Variants in DSCAM observed in about 807,000 individuals in gnomAD.
The protein encoded by DSCAM is DS cell adhesion molecule, also known as cell adhesion molecule DSCAM.
A neutral mutation model predicts 217.7 loss-of-function variants in DSCAM; 47 were observed. That is an observed-to-expected ratio of 0.22 (90% CI 0.17 to 0.28). DSCAM has a LOEUF of 0.28. DSCAM is among the 10% of genes least tolerant of loss of function. The pLI is 1.00. For synonymous variants in DSCAM, 1,056 were observed against 1,015.3 expected, an observed-to-expected ratio of 1.04 and a Z score of -0.76; for missense variants, 2,080 against 2,618.3, an observed-to-expected ratio of 0.79 and a Z score of 4.49.
intron 1 of DSCAM, among the ~76,000 whole-genome samples, chr21:40,712,807 G>GAC (rs1017141739): frequency 1.4e-5 from 2 of 147,510 alleles, no homozygotes; most frequent in Non-Finnish European, 3.0e-5. Context: ...TAGAAGTTGA[G>GAC]ACAGAGAGAG....
chr21:40,022,053 C>G (rs985512029), intron 32 of DSCAM, among the ~76,000 whole-genome samples: 4 of 152,290 alleles, frequency 2.6e-5, no homozygotes, highest in Non-Finnish European at 4.4e-5. Context: ...ACTGAAATAA[C>G]AAGAATGAAG....
At chr21:40,303,774 T>C (rs576798668) in intron 9 of DSCAM, among the ~76,000 whole-genome samples, 1 of 152,342 alleles carries the variant, frequency 6.6e-6, no homozygotes, top group South Asian at 2.1e-4. Flanking sequence ...TCTATGATTT[T>C]CATTTTTCCT....
intron 6 of DSCAM, among the ~76,000 whole-genome samples, chr21:40,341,372 C>A (rs780039306): frequency 6.6e-6 from 1 of 152,084 alleles, no homozygotes; most frequent in Non-Finnish European, 1.5e-5. Context: ...CTGTAGATTT[C>A]TTTTCACTGG....
intron 3 of DSCAM, among the ~76,000 whole-genome samples, chr21:40,372,589 G>A (rs2074909788): frequency 6.6e-6 from 1 of 152,164 alleles, no homozygotes; most frequent in Non-Finnish European, 1.5e-5. Flanking sequence ...AAGCTATGTG[G>A]CATCTCAAGA....
At position 40,544,215 on chromosome 21, in the gene DSCAM, C is replaced by T. The variant is rs147877479; in HGVS notation, c.508+148595G>A. Among the ~76,000 whole-genome samples, 1,334 of 152,156 alleles carry T rather than the reference C, an allele frequency of 8.8e-3. 22 individuals carry two copies. The highest frequency in any genetic ancestry group is 0.029 in the African/African-American group (1,210 of 41,504). ...GAAATTGAGGAATAAGCCTTGGTCA[C>T]GGAGTAGAACAGGAATTATGGGAGG... is the stretch of plus-strand genomic sequence containing the variant. On this transcript the variant is annotated intron_variant, in intron 3 of 32. Coordinates refer to ENST00000400454, the MANE Select transcript of DSCAM (RefSeq NM_001389.5).
At chr21:40,134,176 T>C (rs2090183963) in intron 18 of DSCAM, among the ~76,000 whole-genome samples, 167 bp from the exon 19 acceptor site, 2 of 152,298 alleles carry the variant, frequency 1.3e-5, no homozygotes, top group Middle Eastern at 6.8e-3. Context: ...TGTGAGCTCA[T>C]GGTGTCACGT....
At chr21:40,221,885 G>C (rs2091292138) in intron 11 of DSCAM, among the ~76,000 whole-genome samples, 1 of 152,182 alleles carries the variant, frequency 6.6e-6, no homozygotes, top group Admixed American at 6.5e-5. Flanking sequence ...CTGTGTGACA[G>C]AATGGCAGAA....
chr21:40,836,340 C>T (rs188136441), intron 1 of DSCAM, among the ~76,000 whole-genome samples: 14 of 152,282 alleles, frequency 9.2e-5, no homozygotes, highest in South Asian at 6.2e-4. Flanking sequence ...ATATCAAATA[C>T]GCTAACAGGA....
chr21:40,619,133 G>A (rs2837754), intron 3 of DSCAM, among the ~76,000 whole-genome samples: 17,546 of 152,142 alleles, frequency 0.12, 1,368 homozygotes, highest in African/African-American at 0.22. Flanking sequence ...AAAAAGTAGA[G>A]TAAATAGCAT....
intron 3 of DSCAM, among the ~76,000 whole-genome samples, chr21:40,690,406 C>T (rs1276431608): frequency 6.6e-6 from 1 of 152,194 alleles, no homozygotes; most frequent in Non-Finnish European, 1.5e-5. Context: ...TCTCTCTCTC[C>T]CTTTCTTTCA....
At chr21:40,840,840 A>T (rs1019875063) in intron 1 of DSCAM, among the ~76,000 whole-genome samples, 27 of 152,118 alleles carry the variant, frequency 1.8e-4, no homozygotes, top group African/African-American at 6.5e-4. Context: ...GAGGCAGAAG[A>T]GAGAGGTGGA....
chr21:40,752,205 G>T (rs1179125746), intron 1 of DSCAM, among the ~76,000 whole-genome samples: 1 of 152,212 alleles, frequency 6.6e-6, no homozygotes, highest in Non-Finnish European at 1.5e-5. Flanking sequence ...CCAGAAAGGA[G>T]AGAAGGCTCC....
intron 3 of DSCAM, among the ~76,000 whole-genome samples, chr21:40,657,621 T>C (rs900540872): frequency 1.3e-5 from 2 of 152,178 alleles, no homozygotes; most frequent in African/African-American, 4.8e-5. Flanking sequence ...ACCACTATTT[T>C]CTGGAAATAA....
At chr21:40,378,554 ATTTTTTTTTTTTTTTTTT>A (rs71186931) in intron 3 of DSCAM, among the ~76,000 whole-genome samples, 4 of 75,644 alleles carry the variant, frequency 5.3e-5, no homozygotes, top group Non-Finnish European at 9.9e-5. Context: ...ATGAAAACTT[ATTTTTTTTTTTTTTTTTT>A]TTTTTTTTTT....
chr21:40,085,597 T>A lies in DSCAM; in HGVS notation c.4132+5A>T, dbSNP rs375279001. The A allele has an allele frequency of 1.9e-5, 29 of 1,526,566 alleles. No individual in the cohort carries two copies. Among genetic ancestry groups the A allele is most frequent in the Non-Finnish European group, 2.4e-5 (27 of 1,122,236 alleles). The allele number at this position is 1,526,566 out of a possible 1,614,324, so 94.6% of individuals were successfully genotyped here. The stretch of plus-strand genomic sequence containing the variant: ...ATCATTAAAAAGAGTCCTCAAATGT[T>A]GTACCTTGTACTTGTAAGTTTAAAA... On this transcript the variant is annotated splice_donor_5th_base_variant and intron_variant, in intron 23 of 32. Transcript: ENST00000400454.
At chr21:40,546,752 TTA>T (rs1191928715) in intron 3 of DSCAM, among the ~76,000 whole-genome samples, 2 of 152,208 alleles carry the variant, frequency 1.3e-5, no homozygotes, top group Non-Finnish European at 2.9e-5. Flanking sequence ...AAAGTTGGAT[TTA>T]TGTCTCATTT....
chr21:40,569,354 A>C (rs981776337), intron 3 of DSCAM, among the ~76,000 whole-genome samples: 4 of 152,206 alleles, frequency 2.6e-5, no homozygotes, highest in African/African-American at 9.6e-5. Flanking sequence ...GTTATTGTGT[A>C]GGTGTGGTTA....
At chr21:40,344,193 A>G (rs950132955) in intron 6 of DSCAM, among the ~76,000 whole-genome samples, 2 of 152,182 alleles carry the variant, frequency 1.3e-5, no homozygotes, top group Non-Finnish European at 2.9e-5. Context: ...GCGACAGCAC[A>G]TGGCCAAGTG....
At chr21:40,835,661 A>G (rs979721823) in intron 1 of DSCAM, among the ~76,000 whole-genome samples, 2 of 152,200 alleles carry the variant, frequency 1.3e-5, no homozygotes, top group South Asian at 4.1e-4. Flanking sequence ...CCTAGGAGGG[A>G]AAGTTATTTT....
Sources: allele counts gnomAD v4.1 joint callset (sites outside exome capture counted in the v4.1 genomes callset), GRCh38; gene constraint gnomAD v4.1.1; transcripts MANE v1.5; gene names NCBI Gene and HGNC (gene_info 2026-07-23, HGNC 2026-07-21).